Variants in ALG2 observed in about 807,000 individuals in gnomAD.
The protein encoded by ALG2 is ALG2 alpha-1,3/1,6-mannosyltransferase.
A neutral mutation model predicts 30.5 loss-of-function variants in ALG2; 32 were observed. The ratio of observed to expected loss-of-function variants is 1.05; its 90% CI spans 0.79 to 1.41. The LOEUF is 1.41. Ranked by LOEUF, ALG2 falls within the 40% of genes most tolerant of loss-of-function variation. ALG2 has a pLI of 0.00. For synonymous variants in ALG2, 253 were observed against 224.8 expected (o/e 1.13, Z -1.12); for missense variants, 574 against 526.4 (o/e 1.09, Z -0.88).
chr9:99,220,693 TATGTC>T (rs1216647587), intron 1 of ALG2, among the ~76,000 whole-genome samples: 1 of 152,148 alleles, frequency 6.6e-6, no homozygotes, highest in Non-Finnish European at 1.5e-5. Flanking sequence ...TAATAGTAGG[TATGTC>T]ATAATACCAA....
Position 99,218,701 on chromosome 9 carries a change from T to C in ALG2, c.484A>G (p.Ile162Val), listed in dbSNP as rs529195050. Reference protein sequence around the residue: ...KRLYRAPIDWIEEYTTGMADC... With the variant: ...KRLYRAPIDWVEEYTTGMADC... ...GCCATGCCTGTGGTGTATTCCTCTA[T>C]CCAGTCAATTGGGGCCCTGTATAGT... Residue 162 changes from isoleucine to valine, a missense_variant, in exon 2 of 2, where the codon ATA (isoleucine) becomes GTA (valine). Coordinates refer to ENST00000476832, the MANE Select transcript of ALG2 (RefSeq NM_033087.4). 234 of 1,614,142 alleles carry C rather than the reference T, an allele frequency of 1.4e-4. 2 individuals are homozygous for C. In the South Asian group the frequency reaches 2.2e-3, roughly 15 times the overall value.
At position 99,221,917 on chromosome 9, in the gene ALG2, C is replaced by G. The variant is rs1399206617; in HGVS notation, c.-23G>C. 2 of 1,569,698 alleles carry G rather than the reference C, an allele frequency of 1.3e-6. No homozygotes were observed. Among genetic ancestry groups the G allele is most frequent in the Non-Finnish European group, 1.7e-6 (2 of 1,164,282 alleles). On this transcript the variant is annotated 5_prime_UTR_variant, in exon 1 of 2. Coordinates refer to ENST00000476832, the MANE Select transcript of ALG2 (RefSeq NM_033087.4). ...CATGGCCCTGGAGCCGCAACTGCAC[C>G]CCGCACCCTGATGGGGGTCTTCTGC...
At position 99,218,249 on chromosome 9, in the gene ALG2, G is replaced by A. The variant is rs753807667; in HGVS notation, c.936C>T (p.Leu312=). 6 of 1,614,228 alleles carry A rather than the reference G, an allele frequency of 3.7e-6. No individual in the cohort carries two copies. Among genetic ancestry groups the A allele is most frequent in the Non-Finnish European group, 5.1e-6 (6 of 1,180,052 alleles). ...SFSDKQKISL[L]HSCTCVLYTP... ...TGTAAAGCACACACGTGCAGCTGTG[G>A]AGGAGGGAGATTTTCTGTTTGTCTG... Residue 312 remains leucine (L), a synonymous_variant, in exon 2 of 2, where the codon CTC becomes CTT. Coordinates refer to ENST00000476832, the MANE Select transcript of ALG2 (RefSeq NM_033087.4).
chr9:99,216,580 G>GAGCC lies in ALG2; in HGVS notation c.*1350_*1353dup. On this transcript the variant is annotated 3_prime_UTR_variant, in exon 2 of 2. Transcript: ENST00000476832. ...GTAAAATGGAATTTCACCCATTGAA[G>GAGCC]AGCCCCAAAAGAACAATATGGTAGT... The GAGCC allele has an allele frequency of 2.2e-6, 1 of 454,038 alleles. No homozygotes were observed. The highest frequency in any genetic ancestry group is 4.4e-6 in the Non-Finnish European group (1 of 226,800). The allele number at this position is 454,038 out of a possible 1,614,324, so 28.1% of individuals were successfully genotyped here. A position where few individuals can be genotyped will look rare whatever the true frequency, so the allele number is the denominator to read the frequency against.
chr9:99,217,199 T>G lies in ALG2; in HGVS notation c.*735A>C, dbSNP rs529813426. The G allele has an allele frequency of 3.7e-5, 17 of 453,974 alleles. No individual in the cohort carries two copies. The highest frequency in any genetic ancestry group is 5.3e-5 in the Non-Finnish European group (12 of 226,772). The allele number at this position is 453,974 out of a possible 1,614,324, so 28.1% of individuals were successfully genotyped here. A position where few individuals can be genotyped will look rare whatever the true frequency, so the allele number is the denominator to read the frequency against. ...ACAAAACTAATGACCTAGATGACATTAAGAAATATACCCTAAACAAGATGC... is the reference window on the plus strand; with the variant it reads ...ACAAAACTAATGACCTAGATGACATGAAGAAATATACCCTAAACAAGATGC... On this transcript the variant is annotated 3_prime_UTR_variant, in exon 2 of 2. Coordinates refer to ENST00000476832, the MANE Select transcript of ALG2 (RefSeq NM_033087.4).
chr9:99,221,281 C>T, intron 1 of ALG2: 1 of 1,034,266 alleles, frequency 9.7e-7, no homozygotes, highest in Non-Finnish European at 1.4e-6. Context: ...CACCCTATGA[C>T]CCAGTTAAAA....
Position 99,217,205 on chromosome 9 carries a change from A to G in ALG2, c.*729T>C, listed in dbSNP as rs770110517. 2 of 454,152 alleles carry G rather than the reference A, an allele frequency of 4.4e-6. No individual in the cohort carries two copies. The highest frequency in any genetic ancestry group is 3.1e-5 in the South Asian group (2 of 64,478). The allele number at this position is 454,152 out of a possible 1,614,324, so 28.1% of individuals were successfully genotyped here. On this transcript the variant is annotated 3_prime_UTR_variant, in exon 2 of 2. Transcript: ENST00000476832. Reference sequence around the variant, plus strand: ...CTAATGACCTAGATGACATTAAGAAATATACCCTAAACAAGATGCACAACA... The same window carrying G: ...CTAATGACCTAGATGACATTAAGAAGTATACCCTAAACAAGATGCACAACA...
chr9:99,220,832 G>A, intron 1 of ALG2: 1 of 789,404 alleles, frequency 1.3e-6, no homozygotes, highest in South Asian at 1.7e-5. Flanking sequence ...AATAGGACGG[G>A]GCTTTTAGGT....
At chr9:99,221,051 A>C (rs778598976) in intron 1 of ALG2, 1 of 1,354,378 alleles carries the variant, frequency 7.4e-7, no homozygotes, top group Non-Finnish European at 9.8e-7. Flanking sequence ...GGGGCATGAT[A>C]TATTCAGCTT....
Position 99,216,895 on chromosome 9 carries a change from C to G in ALG2, c.*1039G>C, listed in dbSNP as rs1276418276. 1 of 454,088 alleles carries G rather than the reference C, an allele frequency of 2.2e-6. No homozygotes were observed. Among genetic ancestry groups the G allele is most frequent in the Non-Finnish European group, 4.4e-6 (1 of 226,794 alleles). The allele number at this position is 454,088 out of a possible 1,614,324, so 28.1% of individuals were successfully genotyped here. ...CTTTGGCTAGTAAGCTTTGCTACTT[C>G]TGGAAATGAATTTAGCCTTAGAAGT... On this transcript the variant is annotated 3_prime_UTR_variant, in exon 2 of 2. Transcript: ENST00000476832.
At position 99,221,585 on chromosome 9, in the gene ALG2, G is replaced by A. The variant is rs932367551; in HGVS notation, c.310C>T (p.Leu104Phe). The stretch of plus-strand genomic sequence containing the variant: ...ACCACGTCGAACTCCTCGTCGGCGA[G>A]GAACAGCACGTAGAGCGCCAGGAAA... ...MVFLALYVLF[L>F]ADEEFDVVVC... The change falls in exon 1 of 2, where the codon CTC (leucine) becomes TTC (phenylalanine). Residue 104 changes from leucine (L) to phenylalanine (F), a missense_variant. Coordinates refer to ENST00000476832, the MANE Select transcript of ALG2 (RefSeq NM_033087.4). 4 of 1,544,390 alleles carry A rather than the reference G, an allele frequency of 2.6e-6. No individual in the cohort carries two copies. Among genetic ancestry groups the A allele is most frequent in the Middle Eastern group, 1.7e-4 (1 of 5,952 alleles).
Position 99,221,701 on chromosome 9 carries a change from T to C in ALG2, c.194A>G (p.Glu65Gly). Residue 65 changes from glutamate (E) to glycine (G), a missense_variant, in exon 1 of 2, where the codon GAG (glutamate) becomes GGG (glycine). Physicochemically the swap from Glu to Gly is moderately conservative, Grantham distance 98. Transcript: ENST00000476832. Reference sequence around the variant, plus strand: ...GTCCCCGGCACAGCGCACCGGTAGCTCGCGGCTCTCGGCGAAACAGTGGCC... The same window carrying C: ...GTCCCCGGCACAGCGCACCGGTAGCCCGCGGCTCTCGGCGAAACAGTGGCC... ...DPGHCFAESR[E>G]LPVRCAGDWL... 6.3e-7 allele frequency: 1 copy of C among 1,586,464 alleles called. No individual in the cohort carries two copies. The highest frequency in any genetic ancestry group is 8.5e-7 in the Non-Finnish European group (1 of 1,173,206).
At chr9:99,219,029 G>A (rs755404005) in intron 1 of ALG2, among the ~76,000 whole-genome samples, 193 bp from the exon 2 acceptor site, 1 of 152,168 alleles carries the variant, frequency 6.6e-6, no homozygotes, top group African/African-American at 2.4e-5. Context: ...TTTGCTAGAT[G>A]TGTGCTAAAC....
rs1304315088 is a variant in ALG2 at position 99,217,080 on chromosome 9, T to C, written c.*854A>G. On this transcript the variant is annotated 3_prime_UTR_variant, in exon 2 of 2. Transcript: ENST00000476832. Reference sequence around the variant, plus strand: ...AGGTGGCCAGAGGGTCAAAGAAAGCTTTGCAGCAGTGGCATTTGAGCCAGG... The same window carrying C: ...AGGTGGCCAGAGGGTCAAAGAAAGCCTTGCAGCAGTGGCATTTGAGCCAGG... The C allele has an allele frequency of 4.4e-6, 2 of 454,008 alleles. No individual in the cohort carries two copies. Among genetic ancestry groups the C allele is most frequent in the African/African-American group, 4.0e-5 (2 of 50,006 alleles). 28.1% of individuals were successfully genotyped at this position (454,008 alleles called of 1,614,324 possible).
In ALG2 at chr9:99,221,851, G is replaced by C. The variant is rs757920586; in HGVS notation, c.44C>G (p.Pro15Arg). Reference protein sequence around the residue: ...QGRERDSVPKPSVLFLHPDLG... With the variant: ...QGRERDSVPKRSVLFLHPDLG... ...GTCTGGGTGGAGGAACAGCACCGAC[G>C]GCTTGGGAACCGAGTCCCGTTCCCG... The change falls in exon 1 of 2, where the codon CCG becomes CGG. Residue 15 changes from proline (P) to arginine (R), a missense_variant. Transcript: ENST00000476832. The C allele has an allele frequency of 1.2e-5, 19 of 1,594,178 alleles. No homozygotes were observed. Among genetic ancestry groups the C allele is most frequent in the Non-Finnish European group, 1.3e-5 (15 of 1,177,660 alleles).
Position 99,218,632 on chromosome 9 carries a change from T to C in ALG2, c.553A>G (p.Lys185Glu). The C allele has an allele frequency of 6.2e-7, 1 of 1,614,184 alleles. No homozygotes were observed. Among genetic ancestry groups the C allele is most frequent in the Non-Finnish European group, 8.5e-7 (1 of 1,180,040 alleles). ...TGAGACAGGGACTTGAATGTTTCCTTAAAAACAGCAGCTGTGAACTGGCTG... is the reference window on the plus strand; with the variant it reads ...TGAGACAGGGACTTGAATGTTTCCTCAAAAACAGCAGCTGTGAACTGGCTG... ...VNSQFTAAVF[K>E]ETFKSLSHID... is the part of the protein sequence containing the mutation. The change falls in exon 2 of 2, where the codon AAG (lysine) becomes GAG (glutamate). Residue 185 changes from lysine to glutamate, a missense_variant. By Grantham distance (56) the Lys-to-Glu change is moderately conservative. Coordinates refer to ENST00000476832, the MANE Select transcript of ALG2 (RefSeq NM_033087.4).
chr9:99,221,523 C>T (rs943937934), intron 1 of ALG2, 24 bp downstream of exon 1: 3 of 1,539,860 alleles, frequency 1.9e-6, no homozygotes, highest in Non-Finnish European at 2.6e-6. Context: ...CGCACTCGCG[C>T]AGCCGGCCCC....
rs139559879 is a variant in ALG2, at chr9:99,219,354, T to G, written c.349-518A>C. Among the ~76,000 whole-genome samples the G allele has an allele frequency of 1.2e-3, 183 of 152,292 alleles. 1 individual carries two copies. The highest frequency in any genetic ancestry group is 4.1e-3 in the African/African-American group (172 of 41,564). On this transcript the variant is annotated intron_variant, in intron 1 of 1. Coordinates refer to ENST00000476832, the MANE Select transcript of ALG2 (RefSeq NM_033087.4). ...TACTGAACAGTGCCGCTCTAGGATC[T>G]TTCTCCTTCTAAGGAACTGAATGAA...
intron 1 of ALG2, chr9:99,221,108 C>T: frequency 7.3e-7 from 1 of 1,363,370 alleles, no homozygotes; most frequent in Non-Finnish European, 9.7e-7. Context: ...GGCCTGGCTC[C>T]GAACACAAGG....
Sources: allele counts gnomAD v4.1 joint callset (sites outside exome capture counted in the v4.1 genomes callset), GRCh38; gene constraint gnomAD v4.1.1; transcripts MANE v1.5; gene names NCBI Gene and HGNC (gene_info 2026-07-23, HGNC 2026-07-21).